YIF1B: variants seen among roughly 807,000 people sequenced by gnomAD.
The protein encoded by YIF1B is protein YIF1B.
YIF1B carries 24 observed loss-of-function variants against 34.6 expected under a neutral mutation model. That is an observed-to-expected ratio of 0.69 (90% confidence interval 0.50 to 0.98). The LOEUF is 0.98. Among genes scored for constraint, YIF1B ranks in the 50% least tolerant of loss-of-function variants. The pLI is 0.00. For synonymous variants in YIF1B, 186 were observed against 184.8 expected (o/e 1.01, Z -0.05); for missense variants, 368 against 429.4 (o/e 0.86, Z 1.26).
In YIF1B at chr19:38,305,057, C is replaced by T. The variant is rs934417087; in HGVS notation, c.*295G>A. 5 of 1,532,950 alleles carry T rather than the reference C, an allele frequency of 3.3e-6. No homozygotes were observed. In the African/African-American group the frequency reaches 6.9e-5, roughly 21 times the overall value. The allele number at this position is 1,532,950 out of a possible 1,614,324, so 95.0% of individuals were successfully genotyped here. On this transcript the variant is annotated 3_prime_UTR_variant, in exon 8 of 8. Coordinates refer to ENST00000339413, the MANE Select transcript of YIF1B (RefSeq NM_001039672.3). The stretch of plus-strand genomic sequence containing the variant: ...TCTGGCCCGTCCCCAGCTCCCTGCC[C>T]CCTGCCCAGCGCTGGGCCCGCCCAT...
intron 1 of YIF1B, 191 bp from the exon 2 acceptor site, chr19:38,309,834 A>G: frequency 1.4e-6 from 2 of 1,430,060 alleles, no homozygotes. Context: ...CCACCCATCT[A>G]GCCAACTATC....
intron 1 of YIF1B, chr19:38,315,275 C>T (rs902214283): frequency 1.7e-6 from 1 of 598,530 alleles, no homozygotes; most frequent in African/African-American, 2.0e-5. Context: ...AAAGAAGTAT[C>T]CTCTTCCAGG....
chr19:38,317,261 A>G (rs1480314377), upstream of YIF1B: 1 of 152,290 alleles, frequency 6.6e-6, no homozygotes, highest in Non-Finnish European at 1.5e-5. Flanking sequence ...TCAGGAAAAC[A>G]TAGTGGTGGA....
In YIF1B at chr19:38,304,467, G is replaced by T; in HGVS notation, c.*885C>A. 1 of 1,555,660 alleles carries T rather than the reference G, an allele frequency of 6.4e-7. No homozygotes were observed. The highest frequency in any genetic ancestry group is 8.7e-7 in the Non-Finnish European group (1 of 1,150,080). ...CCACAAAGTTCAGGGCCGGTCGGAG[G>T]CAGGGGCAGGTCCGGGTCCAAAGGT... On this transcript the variant is annotated 3_prime_UTR_variant, in exon 8 of 8. Coordinates refer to ENST00000339413, the MANE Select transcript of YIF1B (RefSeq NM_001039672.3).
chr19:38,308,675 G>T, intron 5 of YIF1B, 117 bp downstream of exon 5: 1 of 1,315,712 alleles, frequency 7.6e-7, no homozygotes, highest in African/African-American at 1.5e-5. Flanking sequence ...TGGGCCAACT[G>T]GGAGCAAAGT....
At chr19:38,321,699 T>G (rs1969653724), upstream of YIF1B, among the ~76,000 whole-genome samples, 1 of 152,204 alleles carries the variant, frequency 6.6e-6, no homozygotes, top group Non-Finnish European at 1.5e-5. Flanking sequence ...GGGGGCAGCT[T>G]TTGCTTTTGG....
At chr19:38,312,996 G>A (rs562864874) in intron 1 of YIF1B, among the ~76,000 whole-genome samples, 19 of 152,098 alleles carry the variant, frequency 1.2e-4, no homozygotes, top group Non-Finnish European at 2.1e-4. Flanking sequence ...TTGTCACCCA[G>A]GCTGGAGTGC....
chr19:38,305,535 A>G, intron 7 of YIF1B, 28 bp from the exon 8 acceptor site: 1 of 1,586,552 alleles, frequency 6.3e-7, no homozygotes, highest in Non-Finnish European at 8.6e-7. Context: ...AGAGGAACCA[A>G]GGGATTTACC....
intron 3 of YIF1B, 23 bp downstream of exon 3, chr19:38,309,201 C>T (rs781521781): frequency 2.5e-6 from 4 of 1,612,774 alleles, no homozygotes; most frequent in Admixed American, 3.3e-5. Flanking sequence ...ACTGCAGACC[C>T]ACATTCCCCT....
chr19:38,306,876 T>A (rs1225315180), intron 7 of YIF1B: 11 of 424,196 alleles, frequency 2.6e-5, no homozygotes, highest in Non-Finnish European at 5.3e-5. Context: ...AGAGATGGGG[T>A]TTCACCGTGT....
Position 38,309,232 on chromosome 19 carries a change from G to T in YIF1B, c.394C>A (p.Leu132Ile), listed in dbSNP as rs769481374. 2.5e-5 allele frequency: 40 copies of T among 1,613,890 alleles called. No homozygotes were observed. Among genetic ancestry groups the T allele is most frequent in the Non-Finnish European group, 3.3e-5 (39 of 1,179,956 alleles). ...CCCCTGGGGGTGCTGACCTGGTGTAGGTAGGGGAAGAACAGCAGGCCCAGC... is the reference window on the plus strand; with the variant it reads ...CCCCTGGGGGTGCTGACCTGGTGTATGTAGGGGAAGAACAGCAGGCCCAGC... The part of the protein sequence containing the change: ...RKLGLLFFPY[L>I]HQDWEVQYQQ... Residue 132 changes from leucine to isoleucine, a missense_variant, in exon 3 of 8, where the codon CTA (leucine) becomes ATA (isoleucine). Leu to Ile is a conservative substitution (Grantham distance 5). Coordinates refer to ENST00000339413, the MANE Select transcript of YIF1B (RefSeq NM_001039672.3).
Position 38,304,407 on chromosome 19 carries a change from G to A in YIF1B, c.*945C>T, listed in dbSNP as rs375904286. 4 of 1,569,838 alleles carry A rather than the reference G, an allele frequency of 2.5e-6. No homozygotes were observed. The highest frequency in any genetic ancestry group is 3.5e-6 in the Non-Finnish European group (4 of 1,158,104). ...GCCCACCTCCCAGAAGCCCGGTGTG[G>A]GGGCGGGCCACGGGGGAGATCCCAA... On this transcript the variant is annotated 3_prime_UTR_variant, in exon 8 of 8. Transcript: ENST00000339413.
Position 38,306,182 on chromosome 19 carries a change from G to A in YIF1B, c.790-675C>T, listed in dbSNP as rs535490397. ...TCCCGCCACTGCACTCCAGCTTCCC[G>A]ACAGAGCGAGACTCTGTCTCACAAA... On this transcript the variant is annotated intron_variant, in intron 7 of 7. Transcript: ENST00000339413. Among the ~76,000 whole-genome samples, 24 of 117,796 alleles carry A rather than the reference G, an allele frequency of 2.0e-4. No homozygotes were observed. In the Admixed American group the frequency reaches 2.2e-3, roughly 11 times the overall value. The allele number at this position is 117,796 out of a possible 152,430, so 77.3% of individuals were successfully genotyped here. A position where few individuals can be genotyped will look rare whatever the true frequency, so the allele number is the denominator to read the frequency against.
rs1410461933 is a variant in YIF1B at position 38,304,175 on chromosome 19, G to A, written c.*1177C>T. ...TGGGGCGTCTCAGCATTCCTCCAAC[G>A]GGCAGGTCTCAGCGCTCCTCCCCCT... On this transcript the variant is annotated 3_prime_UTR_variant, in exon 8 of 8. Transcript: ENST00000339413. 3.9e-6 allele frequency: 6 copies of A among 1,528,440 alleles called. No individual in the cohort carries two copies. Among genetic ancestry groups the A allele is most frequent in the Non-Finnish European group, 5.4e-6 (6 of 1,113,314 alleles). The allele number at this position is 1,528,440 out of a possible 1,614,324, so 94.7% of individuals were successfully genotyped here.
Position 38,307,715 on chromosome 19 carries a change from C to A in YIF1B, c.577G>T (p.Ala193Ser), listed in dbSNP as rs1969122097. Residue 193 changes from alanine to serine, a missense_variant, in exon 6 of 8, where the codon GCC (alanine) becomes TCC (serine). Ala to Ser is a moderately conservative substitution (Grantham distance 99). Coordinates refer to ENST00000339413, the MANE Select transcript of YIF1B (RefSeq NM_001039672.3). ...ACCTCCAGGGTCAGCCAGGCCAGGGCTGAGCTCGCTTGCAGCCCCAGGAGG... is the reference window on the plus strand; with the variant it reads ...ACCTCCAGGGTCAGCCAGGCCAGGGATGAGCTCGCTTGCAGCCCCAGGAGG... ...PDLLGLQASS[A>S]LAWLTLEVLA... The A allele has an allele frequency of 1.9e-6, 3 of 1,613,274 alleles. No individual in the cohort carries two copies. The highest frequency in any genetic ancestry group is 2.7e-5 in the African/African-American group (2 of 75,034).
Position 38,307,486 on chromosome 19 carries a change from C to T in YIF1B, c.731G>A (p.Gly244Glu). 3 of 1,613,900 alleles carry T rather than the reference C, an allele frequency of 1.9e-6. No individual in the cohort carries two copies. Among genetic ancestry groups the T allele is most frequent in the Non-Finnish European group, 2.5e-6 (3 of 1,180,006 alleles). ...CAGCACCAGGTAGTAGCCAATCTTCCCGAAGAGCAGGCCCATGAGGACCCC... is the reference window on the plus strand; with the variant it reads ...CAGCACCAGGTAGTAGCCAATCTTCTCGAAGAGCAGGCCCATGAGGACCCC... ...IGGVLMGLLF[G>E]KIGYYLVLGW... is the part of the protein sequence containing the mutation. Residue 244 changes from glycine (G) to glutamate (E), a missense_variant, in exon 7 of 8, where the codon GGG (glycine) becomes GAG (glutamate). Around this residue, in one of 3 missense-constraint regions of YIF1B, gnomAD observed 208 missense variants for 247.8 expected, o/e 0.84. Coordinates refer to ENST00000339413, the MANE Select transcript of YIF1B (RefSeq NM_001039672.3).
intron 1 of YIF1B, chr19:38,315,294 C>T: frequency 1.3e-6 from 1 of 763,228 alleles, no homozygotes; most frequent in Non-Finnish European, 1.6e-6. Flanking sequence ...GGAAGCTTCA[C>T]TGACACCCCT....
At position 38,304,954 on chromosome 19, in the gene YIF1B, C is replaced by T; in HGVS notation, c.*398G>A. Reference sequence around the variant, plus strand: ...AAGGAGAAGGGCAAGAAGAAGGAGGCTCCCCACTGAAGGGCCCTGGACAGG... The same window carrying T: ...AAGGAGAAGGGCAAGAAGAAGGAGGTTCCCCACTGAAGGGCCCTGGACAGG... On this transcript the variant is annotated 3_prime_UTR_variant, in exon 8 of 8. Transcript: ENST00000339413. 6.6e-7 allele frequency: 1 copy of T among 1,510,136 alleles called. No homozygotes were observed. 93.5% of individuals were successfully genotyped at this position (1,510,136 alleles called of 1,614,324 possible). A position where few individuals can be genotyped will look rare whatever the true frequency, so the allele number is the denominator to read the frequency against.
upstream of YIF1B, among the ~76,000 whole-genome samples, chr19:38,321,579 C>G (rs1230305842): frequency 6.6e-6 from 1 of 152,248 alleles, no homozygotes; most frequent in Non-Finnish European, 1.5e-5. Flanking sequence ...CCCCCAGCCC[C>G]TTCTCAGCTC....
Sources: allele counts gnomAD v4.1 joint callset (sites outside exome capture counted in the v4.1 genomes callset), GRCh38; gene constraint gnomAD v4.1.1; regional missense constraint gnomAD v4.1.1; transcripts MANE v1.5; gene names NCBI Gene and HGNC (gene_info 2026-07-23, HGNC 2026-07-21).